Variants in CFAP47 observed in about 807,000 individuals in gnomAD.
CFAP47 encodes cilia and flagella associated protein 47.
In CFAP47, 29 loss-of-function variants were observed where a neutral mutation model predicts 148.1. That is an observed-to-expected ratio of 0.20 (90% CI 0.15 to 0.27). The LOEUF is 0.27. Among genes scored for constraint, CFAP47 ranks in the 10% least tolerant of loss-of-function variants. CFAP47 has a pLI of 1.00. For missense variants in CFAP47, 1,872 were observed against 1,697.5 expected, an observed-to-expected ratio of 1.10 and a Z score of -1.81; for synonymous variants, 664 against 577.3, an observed-to-expected ratio of 1.15 and a Z score of -2.15.
intron 56 of CFAP47, among the ~76,000 whole-genome samples, chrX:36,316,208 G>A (rs1556010949): frequency 2.7e-5 from 3 of 111,811 alleles, no homozygotes. Context: ...TTACAGGAAA[G>A]ACTTGCAATC....
At chrX:35,990,207 A>T (rs1396749438) in intron 16 of CFAP47, 1 of 111,724 alleles carries the variant, frequency 9.0e-6, no homozygotes, top group Admixed American at 9.6e-5. Flanking sequence ...AAAATTTATT[A>T]TTCCAATTAC....
chrX:36,148,138 G>C, intron 36 of CFAP47, among the ~76,000 whole-genome samples: 1 of 111,819 alleles, frequency 8.9e-6, no homozygotes, highest in African/African-American at 3.3e-5. Context: ...CAGCCAAGGA[G>C]CAGGATGGAG....
chrX:36,077,489 T>A (rs1937887759), intron 29 of CFAP47, among the ~76,000 whole-genome samples: 1 of 108,477 alleles, frequency 9.2e-6, no homozygotes, highest in Non-Finnish European at 1.9e-5. Flanking sequence ...TTTCACCCCC[T>A]TGGTCAGATG....
intron 30 of CFAP47, among the ~76,000 whole-genome samples, chrX:36,089,976 C>A (rs1195326882): frequency 1.8e-5 from 2 of 111,772 alleles, no homozygotes; most frequent in African/African-American, 6.5e-5. Flanking sequence ...AATATAGTAA[C>A]CACTAGTGAC....
chrX:36,235,876 T>C, intron 46 of CFAP47, 58 bp from the exon 47 acceptor site: 3 of 409,118 alleles, frequency 7.3e-6, no homozygotes, highest in South Asian at 5.5e-5. Flanking sequence ...AATTCATATG[T>C]AATTCAATTT....
At chrX:36,228,001 C>T (rs981460398) in intron 45 of CFAP47, among the ~76,000 whole-genome samples, 4 of 111,349 alleles carry the variant, frequency 3.6e-5, no homozygotes, top group Admixed American at 1.9e-4. Context: ...AATGTTGTAA[C>T]GGGGTGTTAT....
intron 2 of CFAP47, among the ~76,000 whole-genome samples, chrX:35,939,582 A>G (rs1397725406): frequency 9.0e-5 from 8 of 88,855 alleles, no homozygotes; most frequent in Non-Finnish European, 1.5e-4. Flanking sequence ...ACTGAGAATG[A>G]TGATTTCCAA....
chrX:36,050,507 C>T (rs1937514766), intron 26 of CFAP47, among the ~76,000 whole-genome samples: 1 of 111,210 alleles, frequency 9.0e-6, no homozygotes, highest in African/African-American at 3.3e-5. Context: ...GGATTTTGCC[C>T]CTGCGCTAGA....
rs781639922 is a variant in CFAP47 at position 35,956,977 on chromosome X, C to T, written c.1410+781C>T. Among the ~76,000 whole-genome samples, 6 of 110,305 alleles carry T rather than the reference C, an allele frequency of 5.4e-5. No individual in the cohort carries two copies. The East Asian group carries it at 1.1e-3, about 21-fold the overall frequency. On this transcript the variant is annotated intron_variant, in intron 8 of 63. Coordinates refer to ENST00000378653, the MANE Select transcript of CFAP47 (RefSeq NM_001304548.2). ...CTGTAATCCCAGTACTTTGGGAGGC[C>T]GAGGCAGGTGGATCACAAGTCAAGA...
intron 1 of CFAP47, among the ~76,000 whole-genome samples, chrX:35,924,268 CATGTATGTGTAT>C (rs1935674690): frequency 2.2e-5 from 2 of 92,604 alleles, no homozygotes; most frequent in Admixed American, 2.3e-4. Flanking sequence ...TGTATGTGTA[CATGTATGTGTAT>C]ATGTACATGT....
chrX:36,196,111 G>A (rs1939917799), intron 42 of CFAP47, among the ~76,000 whole-genome samples: 1 of 111,378 alleles, frequency 9.0e-6, no homozygotes, highest in African/African-American at 3.3e-5. Flanking sequence ...ATCTTTTCAT[G>A]AGTCTTCTCA....
intron 60 of CFAP47, among the ~76,000 whole-genome samples, chrX:36,360,744 A>G (rs1267190197): frequency 8.9e-6 from 1 of 111,986 alleles, no homozygotes; most frequent in Non-Finnish European, 1.9e-5. Context: ...CAGGGGACAA[A>G]AAACTACTAC....
chrX:35,961,337 G>T (rs1295551504), intron 8 of CFAP47, among the ~76,000 whole-genome samples: 1 of 111,571 alleles, frequency 9.0e-6, no homozygotes, highest in East Asian at 2.8e-4. Flanking sequence ...CGGTGCCACA[G>T]AATGAATTGA....
chrX:36,043,815 G>T (rs1282003663), intron 25 of CFAP47, among the ~76,000 whole-genome samples: 1 of 112,681 alleles, frequency 8.9e-6, no homozygotes, highest in East Asian at 2.8e-4. Context: ...CAGTGTTCCA[G>T]TGGAGACTCT....
At chrX:36,141,896 G>A (rs781499190) in intron 35 of CFAP47, among the ~76,000 whole-genome samples, 2 of 109,279 alleles carry the variant, frequency 1.8e-5, no homozygotes, top group East Asian at 2.9e-4. Context: ...GCTGAGTGGC[G>A]TCTTTTCTTG....
rs782350438 is a variant in CFAP47, at chrX:36,273,919, G to A, written c.7445-6568G>A. 5.7e-4 allele frequency among the ~76,000 whole-genome samples: 64 copies of A among 111,458 alleles called. 1 individual carries two copies. Among genetic ancestry groups the A allele is most frequent in the Non-Finnish European group, 1.0e-3 (55 of 52,964 alleles). On this transcript the variant is annotated intron_variant, in intron 49 of 63. Coordinates refer to ENST00000378653, the MANE Select transcript of CFAP47 (RefSeq NM_001304548.2). ...TTAAATTGACATTGTCAAGAAAAAG[G>A]TTTTTCATGAGAAAAATATCTGGGC...
chrX:36,043,339 T>C (rs1012872161), intron 25 of CFAP47, among the ~76,000 whole-genome samples: 1 of 112,431 alleles, frequency 8.9e-6, no homozygotes, highest in African/African-American at 3.2e-5. Context: ...TCTTAACTCA[T>C]TCCAGCATTA....
intron 29 of CFAP47, among the ~76,000 whole-genome samples, chrX:36,077,223 T>G (rs1456769861): frequency 1.2e-5 from 1 of 84,879 alleles, no homozygotes; most frequent in South Asian, 6.2e-4. Flanking sequence ...TTTTTTTTTT[T>G]GCTCAGGAGT....
chrX:36,262,580 G>A (rs1276492485), intron 49 of CFAP47, among the ~76,000 whole-genome samples: 1 of 111,872 alleles, frequency 8.9e-6, no homozygotes, highest in African/African-American at 3.3e-5. Context: ...ATACTCCATT[G>A]TGTGTATATA....
Sources: allele counts gnomAD v4.1 joint callset (sites outside exome capture counted in the v4.1 genomes callset), GRCh38; gene constraint gnomAD v4.1.1; transcripts MANE v1.5; gene names NCBI Gene and HGNC (gene_info 2026-07-23, HGNC 2026-07-21).